BBS7: variants seen among roughly 807,000 people sequenced by gnomAD.
BBS7 encodes the protein BBSome complex member BBS7.
A neutral mutation model predicts 90.3 loss-of-function variants in BBS7; 50 were observed. That is an observed-to-expected ratio of 0.55 (90% CI 0.44 to 0.70). The LOEUF is 0.70. Among genes scored for constraint, BBS7 ranks in the 30% least tolerant of loss-of-function variants. BBS7 has a pLI of 0.00. For missense variants in BBS7, 729 were observed against 838.9 expected (o/e 0.87, Z 1.62); for synonymous variants, 235 against 287.4 (o/e 0.82, Z 1.85).
At chr4:121,867,246 T>TA (rs1560671090) in intron 2 of BBS7, among the ~76,000 whole-genome samples, 1 of 152,138 alleles carries the variant, frequency 6.6e-6, no homozygotes, top group Non-Finnish European at 1.5e-5. Flanking sequence ...ATAGAAACAC[T>TA]ACTAATTTCA....
At chr4:121,868,166 AATTT>A (rs373020001) in intron 1 of BBS7, 120 bp from the exon 2 acceptor site, 12 of 807,632 alleles carry the variant, frequency 1.5e-5, no homozygotes, top group African/African-American at 1.4e-4. Flanking sequence ...ATCAGTAATT[AATTT>A]ATTTTCTAAT....
intron 15 of BBS7, among the ~76,000 whole-genome samples, chr4:121,831,588 T>C (rs947216676): frequency 6.6e-6 from 1 of 152,222 alleles, no homozygotes; most frequent in South Asian, 2.1e-4. Context: ...GTATATAATA[T>C]GCTAGGGGCA....
intron 18 of BBS7, 111 bp downstream of exon 18, chr4:121,828,012 CTGATTCATGACTGGTTCATGAAT>C: frequency 6.7e-7 from 1 of 1,486,632 alleles, no homozygotes; most frequent in South Asian, 1.5e-5. Context: ...TTGTTGTCAA[CTGATTCATGACTGGTTCATGAAT>C]CATGACTGAT....
At chr4:121,852,672 G>A (rs554815519) in intron 8 of BBS7, among the ~76,000 whole-genome samples, 26 of 151,924 alleles carry the variant, frequency 1.7e-4, no homozygotes, top group South Asian at 1.7e-3. Context: ...CCCATAAAGT[G>A]TCATTATATG....
At chr4:121,826,557 A>T (rs1457424518) in intron 18 of BBS7, among the ~76,000 whole-genome samples, 1 of 152,246 alleles carries the variant, frequency 6.6e-6, no homozygotes, top group Non-Finnish European at 1.5e-5. Flanking sequence ...TTCCTATTTT[A>T]GGAAGATAAT....
chr4:121,828,707 T>C lies in BBS7; in HGVS notation c.1698A>G (p.Lys566=), dbSNP rs1306934437. The C allele has an allele frequency of 5.6e-6, 9 of 1,598,670 alleles. No homozygotes were observed. The highest frequency in any genetic ancestry group is 7.7e-6 in the Non-Finnish European group (9 of 1,170,518). The change falls in exon 16 of 19, where the codon AAA becomes AAG. Residue 566 remains lysine, a synonymous_variant. Transcript: ENST00000264499. ...STYRKGEGVF[K]SDNISTISIL... is the part of the protein sequence containing the mutation. ...TGGAGATAGTAGAAATGTTGTCAGA[T>C]TTAAAAACTCCCTCTCCTTTTCTAT...
At chr4:121,854,259 T>A (rs1726479803) in intron 7 of BBS7, among the ~76,000 whole-genome samples, 1 of 152,212 alleles carries the variant, frequency 6.6e-6, no homozygotes, top group South Asian at 2.1e-4. Context: ...ATCCTGAACA[T>A]ATACATAGGC....
At chr4:121,832,658 A>C (rs1006686837) in intron 15 of BBS7, among the ~76,000 whole-genome samples, 1 of 152,240 alleles carries the variant, frequency 6.6e-6, no homozygotes, top group African/African-American at 2.4e-5. Flanking sequence ...CCTCCGCACC[A>C]TATCAGGATA....
At chr4:121,868,100 TTAAAA>T (rs1162026881) in intron 1 of BBS7, 54 bp from the exon 2 acceptor site, 3 of 1,398,984 alleles carry the variant, frequency 2.1e-6, no homozygotes, top group Non-Finnish European at 2.0e-6. Flanking sequence ...ATTACAGAGA[TTAAAA>T]TAAGTTATAG....
At chr4:121,869,954 C>T (rs1026287352) in intron 1 of BBS7, among the ~76,000 whole-genome samples, 5 of 152,282 alleles carry the variant, frequency 3.3e-5, no homozygotes, top group Non-Finnish European at 7.3e-5. Context: ...GGATTAGAGG[C>T]CCTCAGGCAG....
At chr4:121,843,017 C>A (rs531938257) in intron 12 of BBS7, among the ~76,000 whole-genome samples, 1 of 152,128 alleles carries the variant, frequency 6.6e-6, no homozygotes, top group South Asian at 2.1e-4. Context: ...GCAGGAAGAG[C>A]GGGGGAAGCA....
chr4:121,836,594 T>C (rs1725460747), intron 13 of BBS7, among the ~76,000 whole-genome samples: 1 of 152,234 alleles, frequency 6.6e-6, no homozygotes, highest in South Asian at 2.1e-4. Flanking sequence ...TATTCAACCC[T>C]TCAATCATTA....
chr4:121,867,948 G>T, intron 2 of BBS7, 33 bp downstream of exon 2: 1 of 1,556,052 alleles, frequency 6.4e-7, no homozygotes, highest in Non-Finnish European at 8.9e-7. Flanking sequence ...TCACTGCTAG[G>T]GAATAGTGGA....
chr4:121,831,954 G>T (rs1002226171), intron 15 of BBS7, among the ~76,000 whole-genome samples: 1 of 151,458 alleles, frequency 6.6e-6, no homozygotes, highest in Non-Finnish European at 1.5e-5. Context: ...GGCAGAGGCA[G>T]AGAAAGAATA....
Position 121,868,060 on chromosome 4 carries a change from C to T in BBS7, c.37-14G>A, listed in dbSNP as rs1727381941. 2.5e-6 allele frequency: 4 copies of T among 1,605,170 alleles called. No individual in the cohort carries two copies. The African/African-American group carries it at 5.3e-5, about 21-fold the overall frequency. On this transcript the variant is annotated splice_polypyrimidine_tract_variant and intron_variant, in intron 1 of 18. Coordinates refer to ENST00000264499, the MANE Select transcript of BBS7 (RefSeq NM_176824.3). ...TGTTACTCCCACCTAAAGAAAAACA[C>T]CAGATGCCTAGTGAATTTAATTTGA...
At chr4:121,838,299 A>C (rs1329487515) in intron 13 of BBS7, among the ~76,000 whole-genome samples, 2 of 151,710 alleles carry the variant, frequency 1.3e-5, no homozygotes, top group Non-Finnish European at 2.9e-5. Context: ...TAGGGGAAAA[A>C]TCATATTTAA....
chr4:121,835,210 T>C lies in BBS7; in HGVS notation c.1445A>G (p.Gln482Arg), dbSNP rs778131042. 1 of 1,613,928 alleles carries C rather than the reference T, an allele frequency of 6.2e-7. No individual in the cohort carries two copies. Among genetic ancestry groups the C allele is most frequent in the Non-Finnish European group, 8.5e-7 (1 of 1,179,860 alleles). Residue 482 changes from glutamine to arginine, a missense_variant, in exon 14 of 19, where the codon CAG becomes CGG. Coordinates refer to ENST00000264499, the MANE Select transcript of BBS7 (RefSeq NM_176824.3). ...VTPRIQPKTC[Q>R]VRQYHIKPLS... is the part of the protein sequence containing the mutation. The stretch of plus-strand genomic sequence containing the variant: ...AGGTTTGATGTGGTACTGGCGGACC[T>C]GACAGGTTTTGGGTTGAATTCTTGG...
intron 1 of BBS7, among the ~76,000 whole-genome samples, chr4:121,868,987 C>G (rs909031724): frequency 6.6e-6 from 1 of 152,124 alleles, no homozygotes; most frequent in Non-Finnish European, 1.5e-5. Context: ...TCTGAAACAT[C>G]AATCTAGCAA....
intron 14 of BBS7, 90 bp from the exon 15 acceptor site, chr4:121,833,485 T>C (rs1192657839): frequency 2.6e-6 from 3 of 1,143,390 alleles, no homozygotes; most frequent in South Asian, 1.3e-5. Context: ...TTTGTAATAG[T>C]TGTTAAATAT....
Sources: allele counts gnomAD v4.1 joint callset (sites outside exome capture counted in the v4.1 genomes callset), GRCh38; gene constraint gnomAD v4.1.1; transcripts MANE v1.5; gene names NCBI Gene and HGNC (gene_info 2026-07-23, HGNC 2026-07-21).